WDFY3: variants seen among roughly 807,000 people sequenced by gnomAD.
WDFY3 encodes the protein WD repeat and FYVE domain-containing protein 3.
WDFY3 carries 66 observed loss-of-function variants against 409.6 expected under a neutral mutation model. That is an observed-to-expected ratio of 0.16 (90% CI 0.13 to 0.20). The LOEUF (loss-of-function observed/expected upper bound fraction) is 0.20, where lower values mean the gene tolerates loss of function less well. WDFY3 is among the 10% of genes least tolerant of loss of function. WDFY3 has a pLI of 1.00. For synonymous variants in WDFY3, 1,521 were observed against 1,537.1 expected (o/e 0.99, Z 0.25); for missense variants, 3,031 against 4,298.1 (o/e 0.71, Z 8.24).
intron 1 of WDFY3, among the ~76,000 whole-genome samples, chr4:84,958,839 G>C (rs1774555906): frequency 6.6e-6 from 1 of 152,146 alleles, no homozygotes; most frequent in Non-Finnish European, 1.5e-5. Context: ...TCTTCTCTCA[G>C]TCCTACAATT....
At chr4:84,758,248 T>C (rs1371489091) in intron 32 of WDFY3, among the ~76,000 whole-genome samples, 1 of 152,162 alleles carries the variant, frequency 6.6e-6, no homozygotes, top group Non-Finnish European at 1.5e-5. Flanking sequence ...TATTTGCATT[T>C]ATTATTTATT....
chr4:84,812,344 C>T (rs570070710), intron 13 of WDFY3, among the ~76,000 whole-genome samples: 1 of 151,992 alleles, frequency 6.6e-6, no homozygotes, highest in Non-Finnish European at 1.5e-5. Flanking sequence ...GACATGTATG[C>T]GCATGCACGC....
At chr4:84,744,478 C>T (rs1173229129) in intron 36 of WDFY3, among the ~76,000 whole-genome samples, 2 of 152,182 alleles carry the variant, frequency 1.3e-5, no homozygotes, top group Non-Finnish European at 2.9e-5. Flanking sequence ...CCTACAGTCC[C>T]AGCCACTAGG....
At chr4:84,885,404 C>T (rs1405930230) in intron 3 of WDFY3, among the ~76,000 whole-genome samples, 1 of 150,164 alleles carries the variant, frequency 6.7e-6, no homozygotes, top group East Asian at 2.0e-4. Context: ...AGGATAAATT[C>T]AAAATCACTT....
intron 67 of WDFY3, among the ~76,000 whole-genome samples, chr4:84,676,881 A>C (rs554812810): frequency 5.0e-4 from 76 of 152,322 alleles, no homozygotes; most frequent in African/African-American, 1.8e-3. Context: ...TGATTGGTGA[A>C]AGGTGCAAAG....
intron 3 of WDFY3, among the ~76,000 whole-genome samples, chr4:84,865,498 G>A (rs928152672): frequency 5.9e-5 from 9 of 152,162 alleles, no homozygotes; most frequent in African/African-American, 1.2e-4. Flanking sequence ...CAAATCTCCC[G>A]CCATCCTCCA....
intron 50 of WDFY3, 53 bp downstream of exon 50, chr4:84,715,245 C>T: frequency 2.1e-6 from 2 of 970,936 alleles, no homozygotes; most frequent in East Asian, 2.6e-5. Context: ...GAAAAGATTC[C>T]CCCTCCCATA....
Position 84,786,061 on chromosome 4 carries a change from T to G in WDFY3, c.3980A>C (p.Tyr1327Ser). 1 of 1,613,986 alleles carries G rather than the reference T, an allele frequency of 6.2e-7. No homozygotes were observed. ...TGTTAGAGACGACACAGAGAGTGCA[T>G]AGAGGCCAAATGACACTTTCTCCTC... Reference protein sequence around the residue: ...VPEEKVSFGLYALSVSSLTVA... With the variant: ...VPEEKVSFGLSALSVSSLTVA... Residue 1327 changes from tyrosine to serine, a missense_variant, in exon 24 of 68, where the codon TAT (tyrosine) becomes TCT (serine). Tyr to Ser is a moderately radical substitution (Grantham distance 144). This residue lies in a region of WDFY3 where 1,322 missense variants were observed against 1,697.9 expected (regional missense o/e 0.78). Transcript: ENST00000295888.
At chr4:84,949,591 G>T (rs1773340210) in intron 1 of WDFY3, among the ~76,000 whole-genome samples, 1 of 152,118 alleles carries the variant, frequency 6.6e-6, no homozygotes, top group African/African-American at 2.4e-5. Flanking sequence ...GAACAATGCT[G>T]AATTCTTCTC....
intron 8 of WDFY3, among the ~76,000 whole-genome samples, chr4:84,831,185 C>CAAAAAAAAA (rs56810528): frequency 9.7e-6 from 1 of 103,356 alleles, no homozygotes; most frequent in Non-Finnish European, 1.8e-5. Flanking sequence ...AGACTCCATC[C>CAAAAAAAAA]AAAAAAAAAA....
At chr4:84,952,479 G>A (rs531887900) in intron 1 of WDFY3, among the ~76,000 whole-genome samples, 1 of 152,184 alleles carries the variant, frequency 6.6e-6, no homozygotes, top group South Asian at 2.1e-4. Flanking sequence ...TGAATGACCT[G>A]AGGCAAAAAC....
chr4:84,772,320 CA>C (rs34290954), intron 30 of WDFY3, among the ~76,000 whole-genome samples: 1 of 151,704 alleles, frequency 6.6e-6, no homozygotes. Context: ...GAAAGGTTTC[CA>C]AAAAAAGTAC....
Position 84,943,436 on chromosome 4 carries a change from G to A in WDFY3, c.-225-11073C>T, listed in dbSNP as rs190157622. ...GGAGAATGGCGTGAACCAGGGAGGC[G>A]GAGCTTGCAGTGAGCCGAGATCACA... On this transcript the variant is annotated intron_variant, in intron 1 of 67. Coordinates refer to ENST00000295888, the MANE Select transcript of WDFY3 (RefSeq NM_014991.6). Among the ~76,000 whole-genome samples, 179 of 151,098 alleles carry A rather than the reference G, an allele frequency of 1.2e-3. 2 individuals are homozygous for A. The East Asian group carries it at 0.03, about 26-fold the overall frequency.
rs759947765 is a variant in WDFY3 at position 84,683,959 on chromosome 4, G to A, written c.9710C>T (p.Ser3237Leu). The change falls in exon 63 of 68, where the codon TCA becomes TTA. Residue 3237 changes from serine (S) to leucine (L), a missense_variant. Around this residue, in one of 16 missense-constraint regions of WDFY3, gnomAD observed 378 missense variants for 477.3 expected, o/e 0.79. Coordinates refer to ENST00000295888, the MANE Select transcript of WDFY3 (RefSeq NM_014991.6). The part of the protein sequence containing the change: ...DTQNVIVTGH[S>L]DGVVRFWRME... ...TTCACTTACCCGAACCACTCCATCT[G>A]AGTGTCCTGTCACTATGACGTTCTG... 16 of 1,599,420 alleles carry A rather than the reference G, an allele frequency of 1.0e-5. No individual in the cohort carries two copies. The highest frequency in any genetic ancestry group is 1.3e-5 in the Non-Finnish European group (15 of 1,168,538).
At chr4:84,683,434 C>T (rs927529594) in intron 63 of WDFY3, among the ~76,000 whole-genome samples, 1 of 152,212 alleles carries the variant, frequency 6.6e-6, no homozygotes, top group Non-Finnish European at 1.5e-5. Flanking sequence ...GTGAATACTC[C>T]ATTGCCTCTA....
At chr4:84,770,777 G>A (rs1744541954) in intron 30 of WDFY3, among the ~76,000 whole-genome samples, 1 of 152,158 alleles carries the variant, frequency 6.6e-6, no homozygotes, top group South Asian at 2.1e-4. Flanking sequence ...CTACAATAAA[G>A]TAATAATCTA....
At chr4:84,947,710 CAAAAAAA>C (rs1176852063) in intron 1 of WDFY3, among the ~76,000 whole-genome samples, 1 of 77,474 alleles carries the variant, frequency 1.3e-5, no homozygotes, top group Non-Finnish European at 2.7e-5. Context: ...CCACATCTAC[CAAAAAAA>C]AAAAAAAAAA....
chr4:84,855,861 C>T (rs1759693526), intron 4 of WDFY3, among the ~76,000 whole-genome samples: 1 of 152,180 alleles, frequency 6.6e-6, no homozygotes, highest in African/African-American at 2.4e-5. Flanking sequence ...AGATGAGAGT[C>T]TGAGAAGAAC....
intron 13 of WDFY3, among the ~76,000 whole-genome samples, chr4:84,813,256 G>A (rs761952966): frequency 7.9e-5 from 12 of 152,024 alleles, no homozygotes; most frequent in Admixed American, 7.2e-4. Flanking sequence ...GGCTCTCAGC[G>A]CTACTTTTTC....
Sources: gnomAD v4.1 joint callset for allele counts (sites outside exome capture counted in the v4.1 genomes callset) on GRCh38, gnomAD v4.1.1 for gene constraint, gnomAD v4.1.1 regional missense constraint, MANE v1.5 for transcripts, NCBI Gene and HGNC (gene_info 2026-07-23, HGNC 2026-07-21) for gene names.